SH3KBP1: variants seen among roughly 807,000 people sequenced by gnomAD.
SH3KBP1 encodes the protein SH3 domain containing kinase binding protein 1.
SH3KBP1 carries 8 observed loss-of-function variants against 50.1 expected under a neutral mutation model. The ratio of observed to expected loss-of-function variants is 0.16; its 90% confidence interval spans 0.09 to 0.29. The LOEUF (loss-of-function observed/expected upper bound fraction) is 0.29. SH3KBP1 is among the 10% of genes least tolerant of loss of function. The pLI, the probability that SH3KBP1 is intolerant of heterozygous loss-of-function variation, is 1.00. For missense variants in SH3KBP1, 377 were observed against 535.2 expected, an observed-to-expected ratio of 0.70 and a Z score of 2.92; for synonymous variants, 227 against 218.6, an observed-to-expected ratio of 1.04 and a Z score of -0.34.
chrX:19,700,120 C>T (rs773765830), intron 4 of SH3KBP1, among the ~76,000 whole-genome samples: 4 of 111,403 alleles, frequency 3.6e-5, no homozygotes, highest in African/African-American at 1.3e-4. Flanking sequence ...CCCAGACAAA[C>T]GAAGTCAGCT....
chrX:19,588,585 C>G (rs2066640209), intron 12 of SH3KBP1, 58 bp downstream of exon 12: 1 of 1,209,608 alleles, frequency 8.3e-7, no homozygotes. Flanking sequence ...CAGTTCCCCT[C>G]CTGTGTTCCT....
In SH3KBP1 at chrX:19,827,886, CAAAA is replaced by C. The variant is rs750250856; in HGVS notation, c.162+8235_162+8238del. On this transcript the variant is annotated intron_variant, in intron 2 of 17. Coordinates refer to ENST00000397821, the MANE Select transcript of SH3KBP1 (RefSeq NM_031892.3). Reference sequence around the variant, plus strand: ...TTATGGTCTGTCATGGTCTGTTAAACAAAAAAACAAACAAACAAACAAACAAACA... The same window carrying C: ...TTATGGTCTGTCATGGTCTGTTAAACAAACAAACAAACAAACAAACAAACA... Among the ~76,000 whole-genome samples the C allele has an allele frequency of 2.7e-3, 185 of 68,488 alleles. 2 individuals are homozygous for C. The highest frequency in any genetic ancestry group is 0.025 in the African/African-American group (176 of 7,126). 59.5% of individuals were successfully genotyped at this position (68,488 alleles called of 115,157 possible).
chrX:19,586,951 G>T (rs2066585313), intron 12 of SH3KBP1, among the ~76,000 whole-genome samples: 1 of 111,720 alleles, frequency 9.0e-6, no homozygotes, highest in Non-Finnish European at 1.9e-5. Flanking sequence ...ACCGGGCACG[G>T]TGGCTCACAC....
intron 12 of SH3KBP1, among the ~76,000 whole-genome samples, chrX:19,571,038 A>G (rs762524525): frequency 9.4e-4 from 105 of 112,056 alleles, no homozygotes; most frequent in Non-Finnish European, 1.5e-3. Flanking sequence ...GAAGGAGGTG[A>G]GTCCTCCTCA....
intron 6 of SH3KBP1, chrX:19,664,670 T>G (rs1328007207): frequency 8.9e-6 from 1 of 112,067 alleles, no homozygotes. Context: ...AGGTTGTCCA[T>G]GAATTACATT....
chrX:19,616,865 C>T (rs2067630842), intron 8 of SH3KBP1, among the ~76,000 whole-genome samples: 1 of 111,477 alleles, frequency 9.0e-6, no homozygotes, highest in Non-Finnish European at 1.9e-5. Context: ...AGAACTCTAA[C>T]ATCTCCCATT....
chrX:19,834,868 T>TA (rs35710674), intron 2 of SH3KBP1, among the ~76,000 whole-genome samples: 5 of 107,190 alleles, frequency 4.7e-5, no homozygotes, highest in African/African-American at 6.8e-5. Flanking sequence ...CATCTCTACT[T>TA]AAAAAAAAAT....
chrX:19,805,098 A>G (rs1442466821), intron 2 of SH3KBP1, among the ~76,000 whole-genome samples: 1 of 110,393 alleles, frequency 9.1e-6, no homozygotes, highest in African/African-American at 3.3e-5. Context: ...GATGAACAAC[A>G]GAGTCAAATC....
chrX:19,670,839 C>CAAAAAA lies in SH3KBP1; in HGVS notation c.726+12978_726+12983dup, dbSNP rs397973698. On this transcript the variant is annotated intron_variant, in intron 6 of 17. Coordinates refer to ENST00000397821, the MANE Select transcript of SH3KBP1 (RefSeq NM_031892.3). ...ACTGGATTTATTACAACTCTAAAAGCAAAAAAAAAAAAAAAGAAATACCTC... is the reference window on the plus strand; with the variant it reads ...ACTGGATTTATTACAACTCTAAAAGCAAAAAAAAAAAAAAAAAAAAAGAAATACCTC... 716 of 991,193 alleles carry CAAAAAA rather than the reference C, an allele frequency of 7.2e-4. 3 individuals are homozygous for CAAAAAA. Among genetic ancestry groups the CAAAAAA allele is most frequent in the African/African-American group, 5.6e-3 (162 of 28,925 alleles). 81.7% of individuals were successfully genotyped at this position (991,193 alleles called of 1,213,427 possible). A position where few individuals can be genotyped will look rare whatever the true frequency, so the allele number is the denominator to read the frequency against.
rs1378207140 is a variant in SH3KBP1 at position 19,684,081 on chromosome X, TGAA to T, written c.521-56_521-54del. ...AGAGCTCAGAAATCAGCCAGAGCCC[TGAA>T]GAAGAACTTCACAACCAGCCAGGAA... On this transcript the variant is annotated intron_variant, in intron 5 of 17. Transcript: ENST00000397821. 4.8e-6 allele frequency: 5 copies of T among 1,047,683 alleles called. No individual in the cohort carries two copies. The East Asian group carries it at 9.1e-5, about 19-fold the overall frequency. The allele number at this position is 1,047,683 out of a possible 1,213,427, so 86.3% of individuals were successfully genotyped here. A position where few individuals can be genotyped will look rare whatever the true frequency, so the allele number is the denominator to read the frequency against.
At chrX:19,836,035 G>T in intron 2 of SH3KBP1, 90 bp downstream of exon 2, 1 of 851,046 alleles carries the variant, frequency 1.2e-6, no homozygotes, top group Non-Finnish European at 1.7e-6. Context: ...CCCTAAGAGA[G>T]TTCATGCAAT....
At position 19,869,262 on chromosome X, in the gene SH3KBP1, G is replaced by A. The variant is rs1202669751; in HGVS notation, c.4+18045C>T. On this transcript the variant is annotated intron_variant, in intron 1 of 17. Coordinates refer to ENST00000397821, the MANE Select transcript of SH3KBP1 (RefSeq NM_031892.3). ...ACATTTGTGGTAATTTATTACAGCA[G>A]GAATAGGAAATTAATACTCCTCTGC... Among the ~76,000 whole-genome samples, 6 of 112,392 alleles carry A rather than the reference G, an allele frequency of 5.3e-5. 1 individual carries two copies. Among genetic ancestry groups the A allele is most frequent in the Non-Finnish European group, 7.5e-5 (4 of 53,313 alleles).
chrX:19,817,222 C>A (rs1005693730), intron 2 of SH3KBP1, among the ~76,000 whole-genome samples: 3 of 112,004 alleles, frequency 2.7e-5, no homozygotes, highest in African/African-American at 9.7e-5. Flanking sequence ...TTTTGCTCTT[C>A]TTTTTCAAAA....
chrX:19,692,909 G>T (rs754732190), intron 5 of SH3KBP1, among the ~76,000 whole-genome samples: 78 of 109,005 alleles, frequency 7.2e-4, no homozygotes, highest in African/African-American at 2.5e-3. Context: ...GGCTGGTCTC[G>T]AACTCCTGGG....
intron 8 of SH3KBP1, among the ~76,000 whole-genome samples, chrX:19,619,858 C>T (rs1180832266): frequency 8.9e-6 from 1 of 112,334 alleles, no homozygotes; most frequent in Non-Finnish European, 1.9e-5. Context: ...ACAACATTTT[C>T]ACAGAAACTT....
chrX:19,813,339 C>G (rs1209784400), intron 2 of SH3KBP1, among the ~76,000 whole-genome samples: 1 of 103,671 alleles, frequency 9.6e-6, no homozygotes, highest in Non-Finnish European at 2.0e-5. Context: ...TTTTTTTTTT[C>G]CAGCCTTACT....
At chrX:19,778,542 G>A (rs2066062032) in intron 2 of SH3KBP1, among the ~76,000 whole-genome samples, 1 of 110,384 alleles carries the variant, frequency 9.1e-6, no homozygotes, top group Admixed American at 9.7e-5. Flanking sequence ...GGGCAGATAC[G>A]AAGTGAATAC....
At chrX:19,883,265 ACCC>A (rs2069493224) in intron 1 of SH3KBP1, among the ~76,000 whole-genome samples, 4 of 112,384 alleles carry the variant, frequency 3.6e-5, no homozygotes. Context: ...GCCTGGGGCC[ACCC>A]TCTGAGAAGC....
intron 8 of SH3KBP1, among the ~76,000 whole-genome samples, chrX:19,630,737 G>A (rs764392089): frequency 9.8e-5 from 11 of 112,199 alleles, no homozygotes; most frequent in Non-Finnish European, 1.7e-4. Context: ...CCTGTGGCAA[G>A]CTAGTTAACT....
Sources: gnomAD v4.1 joint callset for allele counts (sites outside exome capture counted in the v4.1 genomes callset) on GRCh38, gnomAD v4.1.1 for gene constraint, MANE v1.5 for transcripts, NCBI Gene and HGNC (gene_info 2026-07-23, HGNC 2026-07-21) for gene names.